The following SIRPD variants were observed in gnomAD, a reference collection of about 807,000 sequenced individuals.
SIRPD encodes the protein signal-regulatory protein delta.
A neutral mutation model predicts 18.0 loss-of-function variants in SIRPD; 21 were observed. The ratio of observed to expected loss-of-function variants is 1.17; its 90% CI spans 0.83 to 1.68. SIRPD has a LOEUF of 1.68. SIRPD is among the 40% of genes most tolerant of loss of function. The probability of loss-of-function intolerance (pLI) is 0.00; values close to 1 mark genes in which losing one functional copy is unlikely to be tolerated. For missense variants in SIRPD, 295 were observed against 238.4 expected (o/e 1.24, Z -1.56); for synonymous variants, 106 against 92.9 (o/e 1.14, Z -0.81).
intron 1 of SIRPD, among the ~76,000 whole-genome samples, chr20:1,553,687 T>C (rs188374770): frequency 6.6e-6 from 1 of 152,294 alleles, no homozygotes; most frequent in Admixed American, 6.5e-5. Context: ...TATTTGTAAA[T>C]GTCTCCTATG....
chr20:1,536,962 A>T (rs1175934420), intron 3 of SIRPD, among the ~76,000 whole-genome samples, 193 bp downstream of exon 3: 1 of 152,200 alleles, frequency 6.6e-6, no homozygotes, highest in Non-Finnish European at 1.5e-5. Context: ...AGAATTCTGG[A>T]AGGATTTGTT....
Position 1,551,813 on chromosome 20 carries a change from A to G in SIRPD, c.299T>C (p.Phe100Ser). 1 of 1,614,092 alleles carries G rather than the reference A, an allele frequency of 6.2e-7. No individual in the cohort carries two copies. Among genetic ancestry groups the G allele is most frequent in the South Asian group, 1.1e-5 (1 of 91,082 alleles). ...GDTTKPGNTDFSTRIREISLA... is the reference protein window; with the variant it reads ...GDTTKPGNTDSSTRIREISLA... Reference sequence around the variant, plus strand: ...AGAGATTTCACGGATGCGGGTGGAAAAGTCTGTGTTGCCAGGCTTGGTGGT... The same window carrying G: ...AGAGATTTCACGGATGCGGGTGGAAGAGTCTGTGTTGCCAGGCTTGGTGGT... The change falls in exon 2 of 4, where the codon TTT becomes TCT. Residue 100 changes from phenylalanine to serine, a missense_variant. Phe to Ser is a radical substitution (Grantham distance 155). Transcript: ENST00000381623.
intron 3 of SIRPD, among the ~76,000 whole-genome samples, chr20:1,536,843 G>A (rs1395544436): frequency 6.6e-6 from 1 of 152,132 alleles, no homozygotes; most frequent in Non-Finnish European, 1.5e-5. Flanking sequence ...GGCCTAGGGG[G>A]TCGTGGAACC....
rs1031843381 is a variant in SIRPD, at chr20:1,537,724, A to G, written c.422-414T>C. ...TGTTTTTCCCCACTCCAGAGGTGTC[A>G]GTTGTAAAAATGATCCTGAAGCCAT... On this transcript the variant is annotated intron_variant, in intron 2 of 3. Transcript: ENST00000381623. 3.3e-5 allele frequency among the ~76,000 whole-genome samples: 5 copies of G among 152,192 alleles called. No homozygotes were observed. In the East Asian group the frequency reaches 9.6e-4, roughly 29 times the overall value.
intron 1 of SIRPD, among the ~76,000 whole-genome samples, chr20:1,554,560 T>A (rs1375500745): frequency 6.6e-6 from 1 of 152,190 alleles, no homozygotes; most frequent in Admixed American, 6.6e-5. Context: ...TAAACATATT[T>A]TAAATAAATA....
intron 1 of SIRPD, among the ~76,000 whole-genome samples, chr20:1,553,161 AAG>A (rs1568670889): frequency 6.6e-6 from 1 of 152,168 alleles, no homozygotes; most frequent in Non-Finnish European, 1.5e-5. Flanking sequence ...TTTTGCAAAA[AAG>A]ACTTTGGAGA....
chr20:1,550,647 A>G (rs535777010), intron 2 of SIRPD, among the ~76,000 whole-genome samples: 5 of 152,280 alleles, frequency 3.3e-5, no homozygotes, highest in African/African-American at 9.6e-5. Flanking sequence ...TTTGGTTGAA[A>G]TTAATGCATT....
In SIRPD at chr20:1,557,638, AG is replaced by A; in HGVS notation, c.15del (p.Ser6ProfsTer44). 6.2e-7 allele frequency: 1 copy of A among 1,610,086 alleles called. No homozygotes were observed. Among genetic ancestry groups the A allele is most frequent in the Non-Finnish European group, 8.5e-7 (1 of 1,178,184 alleles). Reference sequence around the variant, plus strand: ...GAAGGCAGAGGTGGGTGGAGTGGGGAGGCAGGGATGGGCATTGTGGTGAAAC... The same window carrying A: ...GAAGGCAGAGGTGGGTGGAGTGGGGAGCAGGGATGGGCATTGTGGTGAAAC... MPIP[A>X]SPLHPPLPSL... is the part of the protein sequence containing the mutation. On this transcript the variant is annotated frameshift_variant, in exon 1 of 4. Coordinates refer to ENST00000381623, the MANE Select transcript of SIRPD (RefSeq NM_178460.3). LOFTEE classifies it high-confidence loss of function.
At chr20:1,549,322 G>T (rs2091007669) in intron 2 of SIRPD, among the ~76,000 whole-genome samples, 1 of 150,134 alleles carries the variant, frequency 6.7e-6, no homozygotes, top group Admixed American at 6.6e-5. Flanking sequence ...CAAATGCTTT[G>T]CCTGTTAAGT....
chr20:1,540,540 C>T (rs1250069045), intron 2 of SIRPD, among the ~76,000 whole-genome samples: 1 of 152,148 alleles, frequency 6.6e-6, no homozygotes, highest in Non-Finnish European at 1.5e-5. Context: ...ATCTTTCCAC[C>T]ATCCCCCAAA....
intron 1 of SIRPD, among the ~76,000 whole-genome samples, chr20:1,557,222 C>A (rs1448163841): frequency 6.6e-6 from 1 of 152,040 alleles, no homozygotes; most frequent in African/African-American, 2.4e-5. Flanking sequence ...CACTGCACTC[C>A]AGCCTAGGTG....
At chr20:1,554,698 T>C (rs576192336) in intron 1 of SIRPD, among the ~76,000 whole-genome samples, 35 of 152,252 alleles carry the variant, frequency 2.3e-4, no homozygotes, top group Non-Finnish European at 2.8e-4. Flanking sequence ...ATACTGCATA[T>C]GGAGTGACCT....
chr20:1,534,902 AT>A (rs2090938871), intron 3 of SIRPD, among the ~76,000 whole-genome samples: 1 of 152,216 alleles, frequency 6.6e-6, no homozygotes, highest in African/African-American at 2.4e-5. Context: ...ATACCCTTTG[AT>A]TTAGTAATTC....
chr20:1,543,036 A>G (rs1454827137), intron 2 of SIRPD, among the ~76,000 whole-genome samples: 1 of 152,202 alleles, frequency 6.6e-6, no homozygotes, highest in Non-Finnish European at 1.5e-5. Context: ...GTTAGCCAGT[A>G]TTTTATTGAG....
chr20:1,549,625 G>A (rs965996701), intron 2 of SIRPD, among the ~76,000 whole-genome samples: 2 of 151,812 alleles, frequency 1.3e-5, no homozygotes, highest in Admixed American at 1.3e-4. Context: ...GGTGGGTTTT[G>A]GTTCAAATAT....
chr20:1,554,976 T>C (rs1473507654), intron 1 of SIRPD, among the ~76,000 whole-genome samples: 2 of 152,200 alleles, frequency 1.3e-5, no homozygotes, highest in East Asian at 1.9e-4. Context: ...CACACTGACA[T>C]TGAGTTCATG....
rs562866461 is a variant in SIRPD, at chr20:1,551,807, G to A, written c.305C>T (p.Thr102Ile). 31 of 1,614,104 alleles carry A rather than the reference G, an allele frequency of 1.9e-5. No homozygotes were observed. The East Asian group carries it at 5.3e-4, about 28-fold the overall frequency. Reference protein sequence around the residue: ...TTKPGNTDFSTRIREISLADA... With the variant: ...TTKPGNTDFSIRIREISLADA... ...AGCAAGAGAGATTTCACGGATGCGG[G>A]TGGAAAAGTCTGTGTTGCCAGGCTT... The change falls in exon 2 of 4, where the codon ACC becomes ATC. Residue 102 changes from threonine (T) to isoleucine (I), a missense_variant. Coordinates refer to ENST00000381623, the MANE Select transcript of SIRPD (RefSeq NM_178460.3).
At chr20:1,556,062 A>G (rs1006405050) in intron 1 of SIRPD, among the ~76,000 whole-genome samples, 2 of 152,238 alleles carry the variant, frequency 1.3e-5, no homozygotes, top group African/African-American at 4.8e-5. Flanking sequence ...AGTTTGCAAC[A>G]TGGCTCCTTG....
At chr20:1,552,214 G>A (rs1024967212) in intron 1 of SIRPD, among the ~76,000 whole-genome samples, 176 bp from the exon 2 acceptor site, 1 of 152,176 alleles carries the variant, frequency 6.6e-6, no homozygotes, top group South Asian at 2.1e-4. Flanking sequence ...GCTGAAGGAA[G>A]GGAGTTAGTC....
Sources: gnomAD v4.1 joint callset for allele counts (sites outside exome capture counted in the v4.1 genomes callset) on GRCh38, gnomAD v4.1.1 for gene constraint, MANE v1.5 for transcripts, NCBI Gene and HGNC (gene_info 2026-07-23, HGNC 2026-07-21) for gene names.